The following SCN8A variants were observed in gnomAD, a reference collection of about 807,000 sequenced individuals.
The protein encoded by SCN8A is sodium voltage-gated channel alpha subunit 8, also known as sodium channel protein type 8 subunit alpha.
A neutral mutation model predicts 184.1 loss-of-function variants in SCN8A; 30 were observed. The ratio of observed to expected loss-of-function variants is 0.16; its 90% CI spans 0.12 to 0.22. The LOEUF is 0.22. Ranked by LOEUF, SCN8A falls within the 10% of genes least tolerant of loss-of-function variation. SCN8A has a pLI of 1.00. For synonymous variants in SCN8A, 852 were observed against 907.0 expected (o/e 0.94, Z 1.09); for missense variants, 1,057 against 2,498.9 (o/e 0.42, Z 12.30).
chr12:51,681,588 AC>A (rs1941334233), intron 2 of SCN8A, among the ~76,000 whole-genome samples: 1 of 152,040 alleles, frequency 6.6e-6, no homozygotes, highest in African/African-American at 2.4e-5. Context: ...TTTCAGATGA[AC>A]CCTAGGTCTC....
chr12:51,709,793 T>C (rs1433417048), intron 11 of SCN8A, among the ~76,000 whole-genome samples: 1 of 152,132 alleles, frequency 6.6e-6, no homozygotes. Flanking sequence ...GAGCACAATC[T>C]TGGAAGATAC....
At chr12:51,612,148 C>T (rs987815831) in intron 1 of SCN8A, among the ~76,000 whole-genome samples, 4 of 151,860 alleles carry the variant, frequency 2.6e-5, no homozygotes, top group Admixed American at 1.3e-4. Context: ...TATGATATTC[C>T]CTGCTTGTTT....
In SCN8A at chr12:51,689,725, A is replaced by G. The variant is rs1941476155; in HGVS notation, c.706+629A>G. On this transcript the variant is annotated intron_variant, in intron 6 of 26. Transcript: ENST00000627620. ...CTGTACATATTCAGGGTTCATTCTC[A>G]GACATAAATCCCAATGAAAGCTTAT... The G allele has an allele frequency of 2.0e-5, 3 of 152,206 alleles. No individual in the cohort carries two copies. The South Asian group carries it at 6.2e-4, about 32-fold the overall frequency. 9.4% of individuals were successfully genotyped at this position (152,206 alleles called of 1,614,324 possible). A position where few individuals can be genotyped will look rare whatever the true frequency, so the allele number is the denominator to read the frequency against.
chr12:51,789,535 G>T, intron 24 of SCN8A, 117 bp downstream of exon 24: 1 of 1,177,138 alleles, frequency 8.5e-7, no homozygotes, highest in Non-Finnish European at 1.2e-6. Context: ...TATATTGTTA[G>T]CTCACTGTGA....
intron 11 of SCN8A, among the ~76,000 whole-genome samples, chr12:51,712,023 CA>C (rs1216864632): frequency 2.0e-5 from 3 of 152,094 alleles, no homozygotes; most frequent in Non-Finnish European, 4.4e-5. Flanking sequence ...TTCAAAACTG[CA>C]TTTTGTTAAA....
chr12:51,804,673 G>A (rs775000749), intron 26 of SCN8A, among the ~76,000 whole-genome samples: 3 of 152,074 alleles, frequency 2.0e-5, no homozygotes, highest in Non-Finnish European at 4.4e-5. Flanking sequence ...ACTGGGTTTT[G>A]CCATGTTGGC....
Position 51,674,294 on chromosome 12 carries a change from G to A in SCN8A, c.277-9880G>A, listed in dbSNP as rs1032733283. Among the ~76,000 whole-genome samples the A allele has an allele frequency of 2.6e-5, 4 of 152,084 alleles. No homozygotes were observed. The South Asian group carries it at 8.3e-4, about 31-fold the overall frequency. On this transcript the variant is annotated intron_variant, in intron 2 of 26. Coordinates refer to ENST00000627620, the MANE Select transcript of SCN8A (RefSeq NM_001330260.2). Reference sequence around the variant, plus strand: ...CTTCCTGCAGGCTTGTGCCAAGTATGTGGATCCAAATTAACAGAAATATTA... The same window carrying A: ...CTTCCTGCAGGCTTGTGCCAAGTATATGGATCCAAATTAACAGAAATATTA...
At chr12:51,784,959 C>G (rs1029805159) in intron 21 of SCN8A, among the ~76,000 whole-genome samples, 10 of 152,192 alleles carry the variant, frequency 6.6e-5, no homozygotes, top group African/African-American at 2.2e-4. Context: ...TTGTAATGGT[C>G]TAACAGAAAG....
chr12:51,685,970 C>G (rs963576699), intron 3 of SCN8A, among the ~76,000 whole-genome samples: 4 of 152,140 alleles, frequency 2.6e-5, no homozygotes, highest in Non-Finnish European at 5.9e-5. Context: ...TAAATGAATA[C>G]CTAGTCATAT....
chr12:51,626,282 A>G (rs141601000), intron 1 of SCN8A, among the ~76,000 whole-genome samples: 111 of 152,334 alleles, frequency 7.3e-4, no homozygotes, highest in African/African-American at 2.6e-3. Flanking sequence ...GAGGTGGTTC[A>G]GAGAATGGAC....
At chr12:51,709,804 C>T (rs1048345816) in intron 11 of SCN8A, among the ~76,000 whole-genome samples, 18 of 151,678 alleles carry the variant, frequency 1.2e-4, no homozygotes, top group African/African-American at 4.1e-4. Context: ...TGGAAGATAC[C>T]GAAATAGATG....
chr12:51,699,501 A>T, intron 6 of SCN8A, 69 bp from the exon 7 acceptor site: 1 of 1,210,536 alleles, frequency 8.3e-7, no homozygotes, highest in Non-Finnish European at 1.2e-6. Context: ...GCCAGTGGCT[A>T]AGAGGGAGGC....
In SCN8A at chr12:51,752,317, C is replaced by T. The variant is rs138624052; in HGVS notation, c.2370+724C>T. 5.9e-4 allele frequency among the ~76,000 whole-genome samples: 90 copies of T among 152,182 alleles called. 7 individuals carry two copies. The highest frequency in any genetic ancestry group is 1.2e-3 in the South Asian group (6 of 4,812). ...CCCCTAATTCCTTAGGTGTTAACCA[C>T]AGGCATGTCCAAATCTGGCTATTAC... is the stretch of plus-strand genomic sequence containing the variant. On this transcript the variant is annotated intron_variant, in intron 14 of 26. Coordinates refer to ENST00000627620, the MANE Select transcript of SCN8A (RefSeq NM_001330260.2).
At chr12:51,615,635 A>T (rs927499932) in intron 1 of SCN8A, among the ~76,000 whole-genome samples, 3 of 152,130 alleles carry the variant, frequency 2.0e-5, no homozygotes, top group African/African-American at 7.2e-5. Context: ...TTTCATACAT[A>T]TTGCATCTAC....
At chr12:51,789,467 G>C in intron 24 of SCN8A, 49 bp downstream of exon 24, 1 of 1,592,360 alleles carries the variant, frequency 6.3e-7, no homozygotes, top group Middle Eastern at 1.7e-4. Flanking sequence ...GCCCAGATAA[G>C]AGGCACCTTT....
chr12:51,688,974 T>C (rs749651265), intron 5 of SCN8A, 31 bp from the exon 6 acceptor site: 1 of 1,597,570 alleles, frequency 6.3e-7, no homozygotes, highest in Non-Finnish European at 8.6e-7. Context: ...TGTTTGTCAC[T>C]TGTGTCTGTG....
At chr12:51,650,858 CAT>C (rs958150115) in intron 1 of SCN8A, among the ~76,000 whole-genome samples, 19 of 152,264 alleles carry the variant, frequency 1.2e-4, no homozygotes, top group African/African-American at 4.3e-4. Flanking sequence ...TCAGGGGTCT[CAT>C]AGCCTTCAGA....
At position 51,790,637 on chromosome 12, in the gene SCN8A, A is replaced by G. The variant is rs751923182; in HGVS notation, c.4524+135A>G. ...AATCCTCTCCTCACCACCCATCCAA[A>G]AGATCTGAATAGGACAGCAGAAGAA... On this transcript the variant is annotated intron_variant, in intron 25 of 26. Transcript: ENST00000627620. 3 of 612,836 alleles carry G rather than the reference A, an allele frequency of 4.9e-6. No individual in the cohort carries two copies. The African/African-American group carries it at 5.7e-5, about 12-fold the overall frequency. The allele number at this position is 612,836 out of a possible 1,614,324, so 38.0% of individuals were successfully genotyped here. A position where few individuals can be genotyped will look rare whatever the true frequency, so the allele number is the denominator to read the frequency against.
intron 1 of SCN8A, among the ~76,000 whole-genome samples, chr12:51,652,921 G>C (rs1940746979): frequency 6.6e-6 from 1 of 152,154 alleles, no homozygotes. Context: ...ATTCATCAGA[G>C]TATCATTTAT....
Sources: gnomAD v4.1 joint callset for allele counts (sites outside exome capture counted in the v4.1 genomes callset) on GRCh38, gnomAD v4.1.1 for gene constraint, MANE v1.5 for transcripts, NCBI Gene and HGNC (gene_info 2026-07-23, HGNC 2026-07-21) for gene names.